Variants in KSR1 observed in about 807,000 individuals in gnomAD.
KSR1 encodes kinase suppressor of ras 1.
Under a neutral mutation model 92.9 loss-of-function variants are expected in KSR1, and 35 were observed. That is an observed-to-expected ratio of 0.38 (90% CI 0.29 to 0.50). KSR1 has a LOEUF of 0.50. KSR1 is among the 20% of genes least tolerant of loss of function. KSR1 has a pLI of 0.94. For missense variants in KSR1, 972 were observed against 1,158.5 expected (o/e 0.84, Z 2.34); for synonymous variants, 467 against 472.6 (o/e 0.99, Z 0.15).
chr17:27,491,576 A>T (rs934230499), intron 1 of KSR1, among the ~76,000 whole-genome samples: 3 of 152,134 alleles, frequency 2.0e-5, no homozygotes, highest in Admixed American at 6.5e-5. Context: ...GGGGGGATAG[A>T]GGGGAAACTG....
intron 1 of KSR1, among the ~76,000 whole-genome samples, chr17:27,475,270 C>T (rs1363947037): frequency 4.6e-5 from 7 of 152,120 alleles, no homozygotes; most frequent in Admixed American, 2.0e-4. Context: ...TCTCTGAGCA[C>T]AGGTGTGAAG....
In KSR1 at chr17:27,507,992, T is replaced by G. The variant is rs566240012; in HGVS notation, c.232-42576T>G. 2.0e-5 allele frequency among the ~76,000 whole-genome samples: 3 copies of G among 152,274 alleles called. No homozygotes were observed. The South Asian group carries it at 6.2e-4, about 32-fold the overall frequency. ...TGCCCTAGAAGGGGCTATCTTGGCT[T>G]CAGAGGGGAGAAATGAAACCCATCT... On this transcript the variant is annotated intron_variant, in intron 1 of 20. Transcript: ENST00000644974.
At chr17:27,602,200 T>A (rs1017683934) in intron 11 of KSR1, among the ~76,000 whole-genome samples, 22 of 152,138 alleles carry the variant, frequency 1.4e-4, no homozygotes, top group Admixed American at 1.2e-3. Flanking sequence ...GCCAGCTCCA[T>A]TAGGGGGTTG....
intron 1 of KSR1, among the ~76,000 whole-genome samples, chr17:27,490,053 T>G (rs2068775894): frequency 6.6e-6 from 1 of 152,200 alleles, no homozygotes; most frequent in South Asian, 2.1e-4. Context: ...TGGAAGATGG[T>G]AAGGTGTCGG....
chr17:27,585,940 C>T, intron 5 of KSR1: 1 of 465,950 alleles, frequency 2.1e-6, no homozygotes, highest in Non-Finnish European at 3.9e-6. Context: ...CCTGTCTCCA[C>T]CTTGCCCTTC....
chr17:27,531,102 C>T (rs1469633597), intron 1 of KSR1, among the ~76,000 whole-genome samples: 1 of 152,234 alleles, frequency 6.6e-6, no homozygotes, highest in South Asian at 2.1e-4. Flanking sequence ...CTCAGGCAGA[C>T]TGGCCCATAC....
chr17:27,554,992 A>G (rs2071536797), intron 2 of KSR1, among the ~76,000 whole-genome samples: 1 of 152,228 alleles, frequency 6.6e-6, no homozygotes, highest in Non-Finnish European at 1.5e-5. Flanking sequence ...AGGAAATGAC[A>G]CTGGTATATT....
At chr17:27,615,483 T>C (rs974199448) in intron 18 of KSR1, among the ~76,000 whole-genome samples, 3 of 152,236 alleles carry the variant, frequency 2.0e-5, no homozygotes, top group African/African-American at 7.2e-5. Context: ...TCCTGTAGTT[T>C]CTAATTGCCT....
Position 27,577,685 on chromosome 17 carries a change from T to C in KSR1, c.520+46T>C, listed in dbSNP as rs1219520925. On this transcript the variant is annotated intron_variant, in intron 3 of 20. Coordinates refer to ENST00000644974, the MANE Select transcript of KSR1 (RefSeq NM_001394583.1). This position sits in a 1 kb window ranked among gnomAD's most constrained non-coding sequence, Gnocchi z 4.5. ...TCTCCCTTGCCTGGCCTGGTGCCCT[T>C]GGGGCTGTGGCCTTCACTATGGTGG... 2.8e-6 allele frequency: 4 copies of C among 1,441,744 alleles called. No homozygotes were observed. The South Asian group carries it at 4.9e-5, about 18-fold the overall frequency. The allele number at this position is 1,441,744 out of a possible 1,614,324, so 89.3% of individuals were successfully genotyped here.
intron 9 of KSR1, among the ~76,000 whole-genome samples, chr17:27,597,049 G>T (rs1315094670): frequency 2.0e-5 from 3 of 152,346 alleles, no homozygotes. Context: ...TGCTTGAGCT[G>T]AAATCAGAAA....
intron 18 of KSR1, among the ~76,000 whole-genome samples, chr17:27,611,853 T>C (rs2073927651): frequency 6.6e-6 from 1 of 152,178 alleles, no homozygotes; most frequent in Non-Finnish European, 1.5e-5. Flanking sequence ...TGCTCACCCT[T>C]TTCATTCCTT....
intron 18 of KSR1, among the ~76,000 whole-genome samples, chr17:27,615,218 ATTAC>A (rs1377542655): frequency 3.9e-5 from 6 of 152,174 alleles, no homozygotes; most frequent in African/African-American, 1.4e-4. Flanking sequence ...CAGCTCTCCC[ATTAC>A]TTATTGTTAA....
intron 4 of KSR1, among the ~76,000 whole-genome samples, chr17:27,583,426 G>A (rs2948513): frequency 0.42 from 64,143 of 152,128 alleles, 13,659 homozygotes; most frequent in Non-Finnish European, 0.46. Flanking sequence ...TGCTCATGCC[G>A]CCTTGTCCAT....
chr17:27,555,547 G>A (rs914713696), intron 2 of KSR1, among the ~76,000 whole-genome samples: 9 of 144,156 alleles, frequency 6.2e-5, no homozygotes, highest in East Asian at 3.9e-4. Context: ...TAGCACTTCC[G>A]TGTGTAGCAC....
intron 1 of KSR1, among the ~76,000 whole-genome samples, chr17:27,521,704 G>T (rs1442601440): frequency 6.6e-6 from 1 of 152,176 alleles, no homozygotes; most frequent in Admixed American, 6.5e-5. Context: ...AAAGCGTGGG[G>T]ATTGCAGGTG....
chr17:27,523,590 A>T lies in KSR1; in HGVS notation c.232-26978A>T, dbSNP rs189532514. Among the ~76,000 whole-genome samples the T allele has an allele frequency of 6.6e-5, 10 of 152,302 alleles. No homozygotes were observed. In the East Asian group the frequency reaches 1.9e-3, roughly 29 times the overall value. On this transcript the variant is annotated intron_variant, in intron 1 of 20. Coordinates refer to ENST00000644974, the MANE Select transcript of KSR1 (RefSeq NM_001394583.1). ...ATGACCAGTTTGGAGGGGATATTAG[A>T]TAAAATAGAGTTCAAATAACAGTAA...
At chr17:27,586,926 G>T (rs549967032) in intron 5 of KSR1, among the ~76,000 whole-genome samples, 4 of 152,188 alleles carry the variant, frequency 2.6e-5, no homozygotes, top group Admixed American at 2.0e-4. Flanking sequence ...AGGCTGAAGT[G>T]CAGTAGTGCA....
chr17:27,498,606 G>A (rs532712114), intron 1 of KSR1, among the ~76,000 whole-genome samples: 74 of 152,272 alleles, frequency 4.9e-4, no homozygotes, highest in Admixed American at 2.7e-3. Flanking sequence ...GCCTCTGTGC[G>A]CTGTTTCTCC....
intron 1 of KSR1, among the ~76,000 whole-genome samples, chr17:27,548,938 T>C (rs770738317): frequency 2.6e-4 from 39 of 152,192 alleles, no homozygotes; most frequent in Non-Finnish European, 4.4e-4. Flanking sequence ...GGAATATTTG[T>C]ATTATACTTA....
Sources: allele counts gnomAD v4.1 joint callset (sites outside exome capture counted in the v4.1 genomes callset), GRCh38; gene constraint gnomAD v4.1.1; non-coding constraint Gnocchi (gnomAD v3.1); transcripts MANE v1.5; gene names NCBI Gene and HGNC (gene_info 2026-07-23, HGNC 2026-07-21).